Variants in TENM4 observed in about 807,000 individuals in gnomAD.
TENM4 encodes the protein teneurin-4.
TENM4 carries 82 observed loss-of-function variants against 243.3 expected under a neutral mutation model. The ratio of observed to expected loss-of-function variants is 0.34; its 90% confidence interval spans 0.28 to 0.40. The LOEUF (loss-of-function observed/expected upper bound fraction) is 0.40. Ranked by LOEUF, TENM4 falls within the 10% of genes least tolerant of loss-of-function variation. The pLI is 1.00. For synonymous variants in TENM4, 1,412 were observed against 1,456.3 expected, an observed-to-expected ratio of 0.97 and a Z score of 0.69; for missense variants, 3,138 against 3,673.3, an observed-to-expected ratio of 0.85 and a Z score of 3.77.
At chr11:78,920,937 G>T (rs1040258776) in intron 6 of TENM4, among the ~76,000 whole-genome samples, 1 of 152,264 alleles carries the variant, frequency 6.6e-6, no homozygotes, top group African/African-American at 2.4e-5. Context: ...GCCGGGCTCT[G>T]TGCTAGGTAC....
At chr11:79,437,206 CTA>C (rs1235913659) in intron 1 of TENM4, among the ~76,000 whole-genome samples, 5 of 152,220 alleles carry the variant, frequency 3.3e-5, no homozygotes, top group Admixed American at 2.6e-4. Context: ...GTTTTTTGTG[CTA>C]TGTGTGACTT....
At chr11:79,394,546 A>G (rs1260121851) in intron 1 of TENM4, among the ~76,000 whole-genome samples, 1 of 152,212 alleles carries the variant, frequency 6.6e-6, no homozygotes, top group East Asian at 1.9e-4. Context: ...GACCCATAAA[A>G]CACCATATAG....
intron 22 of TENM4, among the ~76,000 whole-genome samples, chr11:78,728,095 T>G (rs954306437): frequency 6.6e-6 from 1 of 152,206 alleles, no homozygotes; most frequent in Non-Finnish European, 1.5e-5. Context: ...GTGCTCATTT[T>G]TTCTCAAGAG....
At chr11:78,999,429 T>G (rs1408371097) in intron 6 of TENM4, among the ~76,000 whole-genome samples, 1 of 151,874 alleles carries the variant, frequency 6.6e-6, no homozygotes, top group African/African-American at 2.4e-5. Context: ...GGCAGGAGAA[T>G]GGCATGAACC....
rs150740876 is a variant in TENM4 at position 79,308,661 on chromosome 11, C to T, written c.-320-11118G>A. The stretch of plus-strand genomic sequence containing the variant: ...TTACAGAAGAGGAAACTTGAACTCC[C>T]AAAGGGGCAGGGGCTTGCACAGGGC... On this transcript the variant is annotated intron_variant, in intron 1 of 33. Coordinates refer to ENST00000278550, the MANE Select transcript of TENM4 (RefSeq NM_001098816.3). Among the ~76,000 whole-genome samples the T allele has an allele frequency of 8.5e-5, 13 of 152,270 alleles. No individual in the cohort carries two copies. The East Asian group carries it at 1.7e-3, about 20-fold the overall frequency.
At chr11:78,879,182 C>A (rs1322250374) in intron 9 of TENM4, among the ~76,000 whole-genome samples, 3 of 150,038 alleles carry the variant, frequency 2.0e-5, no homozygotes, top group Non-Finnish European at 3.0e-5. Context: ...AGGAGCGCCT[C>A]TGCCCAGCCG....
intron 6 of TENM4, among the ~76,000 whole-genome samples, chr11:79,053,516 C>T (rs1859856959): frequency 6.6e-6 from 1 of 152,230 alleles, no homozygotes; most frequent in African/African-American, 2.4e-5. Context: ...GCTCTCCTCT[C>T]TGGCCTCATC....
chr11:79,282,389 G>A (rs1856172266), intron 2 of TENM4, among the ~76,000 whole-genome samples: 1 of 152,166 alleles, frequency 6.6e-6, no homozygotes. Flanking sequence ...GTTGCTGAAT[G>A]AATTAATGAA....
chr11:79,232,469 T>C (rs1254062354), intron 2 of TENM4, among the ~76,000 whole-genome samples: 1 of 152,152 alleles, frequency 6.6e-6, no homozygotes, highest in Non-Finnish European at 1.5e-5. Context: ...GCGAGTGAGT[T>C]TTCCATTTCT....
At chr11:78,829,351 C>G (rs541623403) in intron 12 of TENM4, among the ~76,000 whole-genome samples, 1 of 152,286 alleles carries the variant, frequency 6.6e-6, no homozygotes, top group East Asian at 1.9e-4. Context: ...CTCTGACTCT[C>G]ACTAGTTGTG....
At chr11:79,432,643 A>C (rs79604156) in intron 1 of TENM4, among the ~76,000 whole-genome samples, 1 of 152,128 alleles carries the variant, frequency 6.6e-6, no homozygotes, top group African/African-American at 2.4e-5. Context: ...TATTTAACCA[A>C]CTTGAACAAA....
chr11:79,015,276 G>C (rs927638617), intron 6 of TENM4, among the ~76,000 whole-genome samples: 2 of 152,184 alleles, frequency 1.3e-5, no homozygotes, highest in Non-Finnish European at 2.9e-5. Flanking sequence ...AGGCAGTCTG[G>C]CTCCAAGTTC....
intron 3 of TENM4, among the ~76,000 whole-genome samples, chr11:79,183,321 A>G (rs1177791602): frequency 6.6e-6 from 1 of 152,230 alleles, no homozygotes; most frequent in Non-Finnish European, 1.5e-5. Flanking sequence ...TACATCCTGC[A>G]TTATTCCCAT....
intron 6 of TENM4, among the ~76,000 whole-genome samples, chr11:78,934,997 C>CTTTTTTTTTTTTTTTT: frequency 1.2e-5 from 1 of 81,114 alleles, no homozygotes; most frequent in Non-Finnish European, 2.1e-5. Flanking sequence ...AAGTATGCAA[C>CTTTTTTTTTTTTTTTT]TTTTTTTTTT....
chr11:78,926,072 A>C (rs1396171433), intron 6 of TENM4, among the ~76,000 whole-genome samples: 1 of 152,166 alleles, frequency 6.6e-6, no homozygotes. Flanking sequence ...AGGGAAAACG[A>C]GAGAGAAGGT....
In TENM4 at chr11:78,805,277, T is replaced by TCCCCACCCAACACACCCC; in HGVS notation, c.2179+14_2179+15insGGGGTGTGTTGGGTGGGG. On this transcript the variant is annotated intron_variant, in intron 15 of 33. Coordinates refer to ENST00000278550, the MANE Select transcript of TENM4 (RefSeq NM_001098816.3). ...CCCCTCCCTCTACCCATGCTTCTTC[T>TCCCCACCCAACACACCCC]CCCCCTGCATTTACCGATAGAACAG... 3 of 1,402,548 alleles carry TCCCCACCCAACACACCCC rather than the reference T, an allele frequency of 2.1e-6. No homozygotes were observed. Among genetic ancestry groups the TCCCCACCCAACACACCCC allele is most frequent in the Non-Finnish European group, 2.9e-6 (3 of 1,033,114 alleles). 86.9% of individuals were successfully genotyped at this position (1,402,548 alleles called of 1,614,324 possible).
chr11:79,307,039 A>G (rs1340720760), intron 1 of TENM4, among the ~76,000 whole-genome samples: 1 of 152,208 alleles, frequency 6.6e-6, no homozygotes, highest in Non-Finnish European at 1.5e-5. Context: ...ATGTTTAAGT[A>G]AAATCAACCA....
chr11:78,828,582 A>G (rs1262724756), intron 12 of TENM4, among the ~76,000 whole-genome samples: 1 of 152,236 alleles, frequency 6.6e-6, no homozygotes, highest in African/African-American at 2.4e-5. Flanking sequence ...GTAACACTCA[A>G]CATAATAACT....
intron 6 of TENM4, among the ~76,000 whole-genome samples, chr11:78,978,208 TG>T (rs531231049): frequency 6.6e-6 from 1 of 151,916 alleles, no homozygotes; most frequent in African/African-American, 2.4e-5. Context: ...TGTTGGCGGA[TG>T]GGGGGCTAGG....
Sources: allele counts gnomAD v4.1 joint callset (sites outside exome capture counted in the v4.1 genomes callset), GRCh38; gene constraint gnomAD v4.1.1; transcripts MANE v1.5; gene names NCBI Gene and HGNC (gene_info 2026-07-23, HGNC 2026-07-21).